SCYL3: variants seen among roughly 807,000 people sequenced by gnomAD.
The protein encoded by SCYL3 is SCY1 like pseudokinase 3.
Under a neutral mutation model 73.8 loss-of-function variants are expected in SCYL3, and 35 were observed. That is an observed-to-expected ratio of 0.47 (90% CI 0.36 to 0.63). SCYL3 has a LOEUF of 0.63. SCYL3 is among the 20% of genes least tolerant of loss of function. The pLI is 0.00. For synonymous variants in SCYL3, 277 were observed against 295.2 expected (o/e 0.94, Z 0.63); for missense variants, 712 against 798.9 (o/e 0.89, Z 1.31).
At chr1:169,878,515 T>C in intron 3 of SCYL3, 119 bp downstream of exon 3, 1 of 908,182 alleles carries the variant, frequency 1.1e-6, no homozygotes, top group South Asian at 2.0e-5. Context: ...AGTTTTCTAA[T>C]AATAACACTT....
intron 2 of SCYL3, among the ~76,000 whole-genome samples, chr1:169,883,190 G>A (rs1661426459): frequency 6.6e-6 from 1 of 152,124 alleles, no homozygotes; most frequent in Admixed American, 6.5e-5. Context: ...CACCGCGAGG[G>A]TCCGCGGCTT....
intron 2 of SCYL3, among the ~76,000 whole-genome samples, chr1:169,883,572 CT>C (rs942858967): frequency 6.6e-6 from 1 of 152,110 alleles, no homozygotes; most frequent in Admixed American, 6.5e-5. Context: ...TACTGAACAC[CT>C]TCTTGGAGGA....
chr1:169,873,841 T>A, intron 4 of SCYL3, 89 bp from the exon 5 acceptor site: 1 of 856,280 alleles, frequency 1.2e-6, no homozygotes. Context: ...CAATGAGCAA[T>A]GCAAACAGCA....
At chr1:169,875,216 TA>T (rs1660708552) in intron 4 of SCYL3, among the ~76,000 whole-genome samples, 1 of 152,088 alleles carries the variant, frequency 6.6e-6, no homozygotes, top group South Asian at 2.1e-4. Context: ...CAAAAAAGAA[TA>T]GGGGAAATTA....
At chr1:169,884,459 G>T (rs1661532671) in intron 2 of SCYL3, among the ~76,000 whole-genome samples, 1 of 151,842 alleles carries the variant, frequency 6.6e-6, no homozygotes, top group Admixed American at 6.6e-5. Flanking sequence ...CACCATGCCT[G>T]GCTAATTTTT....
intron 2 of SCYL3, among the ~76,000 whole-genome samples, chr1:169,882,904 G>A (rs937354865): frequency 7.9e-5 from 12 of 152,224 alleles, no homozygotes; most frequent in African/African-American, 2.2e-4. Flanking sequence ...GGGTCGGGCC[G>A]GATAAGAGAA....
chr1:169,877,407 C>G (rs1377304136), intron 3 of SCYL3, among the ~76,000 whole-genome samples: 1 of 152,236 alleles, frequency 6.6e-6, no homozygotes, highest in South Asian at 2.1e-4. Flanking sequence ...ATCCTCTTGC[C>G]TTGGCCTCCC....
chr1:169,849,951 C>T lies in SCYL3; in HGVS notation c.*3762G>A, dbSNP rs751977866. On this transcript the variant is annotated 3_prime_UTR_variant, in exon 13 of 13. Coordinates refer to ENST00000367771, the MANE Select transcript of SCYL3 (RefSeq NM_020423.7). ...CAGTCATAAGGGTTAGGCTGATGAACCTAAACCTGTAAGATGGGTTGCTCC... is the reference window on the plus strand; with the variant it reads ...CAGTCATAAGGGTTAGGCTGATGAATCTAAACCTGTAAGATGGGTTGCTCC... The T allele has an allele frequency of 3.5e-4, 162 of 465,672 alleles. 1 individual carries two copies. The highest frequency in any genetic ancestry group is 5.6e-4 in the Non-Finnish European group (145 of 259,122). The allele number at this position is 465,672 out of a possible 1,614,324, so 28.8% of individuals were successfully genotyped here.
At chr1:169,891,833 G>A (rs948906230) in intron 1 of SCYL3, among the ~76,000 whole-genome samples, 2 of 152,194 alleles carry the variant, frequency 1.3e-5, no homozygotes, top group African/African-American at 4.8e-5. Flanking sequence ...ATACTTCCTT[G>A]TGGGAACATT....
At chr1:169,876,958 T>TAAAAAAAAAA (rs61051062) in intron 3 of SCYL3, among the ~76,000 whole-genome samples, 7 of 76,416 alleles carry the variant, frequency 9.2e-5, no homozygotes, top group African/African-American at 1.6e-4. Flanking sequence ...TTGTCTCAAA[T>TAAAAAAAAAA]AAAAAAAAAA....
chr1:169,864,864 A>G (rs1011539026), intron 8 of SCYL3, among the ~76,000 whole-genome samples: 52 of 151,782 alleles, frequency 3.4e-4, no homozygotes, highest in African/African-American at 1.3e-3. Context: ...GGGCTGAGGC[A>G]TGGGAGGCTG....
chr1:169,884,446 CA>C lies in SCYL3; in HGVS notation c.165+4229del, dbSNP rs752739721. Among the ~76,000 whole-genome samples the C allele has an allele frequency of 7.3e-4, 111 of 152,152 alleles. 1 individual carries two copies. The Middle Eastern group carries it at 0.014, about 19-fold the overall frequency. On this transcript the variant is annotated intron_variant, in intron 2 of 12. Transcript: ENST00000367771. ...TCGAATAGCTGGGATTACAGGCGCC[CA>C]CCACCATGCCTGGCTAATTTTTGTG...
chr1:169,881,313 T>C (rs547732499), intron 2 of SCYL3, among the ~76,000 whole-genome samples: 1 of 152,352 alleles, frequency 6.6e-6, no homozygotes, highest in Admixed American at 6.5e-5. Flanking sequence ...AAAAAATTGA[T>C]AATATGCATA....
intron 10 of SCYL3, among the ~76,000 whole-genome samples, chr1:169,861,446 C>T (rs944411104): frequency 6.6e-6 from 1 of 152,178 alleles, no homozygotes; most frequent in Non-Finnish European, 1.5e-5. Context: ...GAGAGAAAGG[C>T]GCAGCCTCTC....
At position 169,854,521 on chromosome 1, in the gene SCYL3, CT is replaced by C; in HGVS notation, c.1755del (p.Val586CysfsTer16). 1 of 1,613,974 alleles carries C rather than the reference CT, an allele frequency of 6.2e-7. No homozygotes were observed. Among genetic ancestry groups the C allele is most frequent in the South Asian group, 1.1e-5 (1 of 91,062 alleles). On this transcript the variant is annotated frameshift_variant, in exon 12 of 13. Transcript: ENST00000367771. LOFTEE classifies it high-confidence loss of function. ...TTAAGGGGCCTTTCTTGTGATGACA[CT>C]TTTGGCGGCTCGATTTGGTCTGCGT... The part of the protein sequence containing the change: ...GDDADQIEPP[K>X]VSSQERPLKV...
chr1:169,878,731 A>C lies in SCYL3; in HGVS notation c.254T>G (p.Val85Gly), dbSNP rs139928689. Residue 85 changes from valine (V) to glycine (G), a missense_variant, in exon 3 of 13, where the codon GTA becomes GGA. Physicochemically the swap from Val to Gly is moderately radical, Grantham distance 109. Around this residue, in one of 2 missense-constraint regions of SCYL3, gnomAD observed 342 missense variants for 448.1 expected, o/e 0.76. Coordinates refer to ENST00000367771, the MANE Select transcript of SCYL3 (RefSeq NM_020423.7). ...TTCCAAAGCCACTTCCAGGGGCTGT[A>C]CTCGCTCAGTGACAAGATGAATGCC... is the stretch of plus-strand genomic sequence containing the variant. ...ADGIHLVTER[V>G]QPLEVALETL... 9.3e-6 allele frequency: 15 copies of C among 1,614,120 alleles called. No homozygotes were observed. In the Middle Eastern group the frequency reaches 8.3e-4, roughly 89 times the overall value.
intron 1 of SCYL3, among the ~76,000 whole-genome samples, chr1:169,892,141 G>A (rs188168477): frequency 1.3e-5 from 2 of 152,308 alleles, no homozygotes; most frequent in East Asian, 3.9e-4. Context: ...TTTATTGGGG[G>A]AAAATTAAAA....
At chr1:169,859,332 T>C (rs1292450254) in intron 10 of SCYL3, 120 bp from the exon 11 acceptor site, 7 of 967,296 alleles carry the variant, frequency 7.2e-6, no homozygotes, top group African/African-American at 6.7e-5. Flanking sequence ...ATCTTAGATA[T>C]GTGTTCCAGG....
rs1240780834 is a variant in SCYL3, at chr1:169,866,966, A to G, written c.745T>C (p.Phe249Leu). 2 of 1,578,362 alleles carry G rather than the reference A, an allele frequency of 1.3e-6. No homozygotes were observed. The highest frequency in any genetic ancestry group is 1.7e-6 in the Non-Finnish European group (2 of 1,153,360). ...TTCAAGAAATTCACAACTTCCAGAAAATCATTTCTAAATGCCAAAAAGAGA... is the reference window on the plus strand; with the variant it reads ...TTCAAGAAATTCACAACTTCCAGAAGATCATTTCTAAATGCCAAAAAGAGA... ...LLSHDFFRNDFLEVVNFLKSL... is the reference protein window; with the variant it reads ...LLSHDFFRNDLLEVVNFLKSL... The change falls in exon 8 of 13, where the codon TTT becomes CTT. Residue 249 changes from phenylalanine (F) to leucine (L), a missense_variant. Transcript: ENST00000367771.
Sources: gnomAD v4.1 joint callset for allele counts (sites outside exome capture counted in the v4.1 genomes callset) on GRCh38, gnomAD v4.1.1 for gene constraint, gnomAD v4.1.1 regional missense constraint, MANE v1.5 for transcripts, NCBI Gene and HGNC (gene_info 2026-07-23, HGNC 2026-07-21) for gene names.